Variants in SLC38A1 observed in about 807,000 individuals in gnomAD.
SLC38A1 encodes the protein solute carrier family 38 member 1, also known as sodium-coupled neutral amino acid symporter 1.
SLC38A1 carries 18 observed loss-of-function variants against 60.3 expected under a neutral mutation model. The ratio of observed to expected loss-of-function variants is 0.30; its 90% CI spans 0.21 to 0.44. The LOEUF is 0.44. Among genes scored for constraint, SLC38A1 ranks in the 20% least tolerant of loss-of-function variants. The pLI, the probability that SLC38A1 is intolerant of heterozygous loss-of-function variation, is 1.00. For synonymous variants in SLC38A1, 196 were observed against 212.1 expected (o/e 0.92, Z 0.66); for missense variants, 448 against 587.2 (o/e 0.76, Z 2.45).
At chr12:46,253,728 G>C (rs1941934847) in intron 1 of SLC38A1, among the ~76,000 whole-genome samples, 1 of 152,108 alleles carries the variant, frequency 6.6e-6, no homozygotes, top group South Asian at 2.1e-4. Flanking sequence ...ATTTAAAATG[G>C]AGTTGCTCTG....
chr12:46,194,001 G>A (rs772268609), intron 16 of SLC38A1, among the ~76,000 whole-genome samples: 10 of 152,100 alleles, frequency 6.6e-5, no homozygotes, highest in Admixed American at 2.0e-4. Context: ...TATTTTGCTC[G>A]TTAATTGATG....
chr12:46,241,117 G>A (rs944894669), intron 2 of SLC38A1, among the ~76,000 whole-genome samples: 1 of 152,042 alleles, frequency 6.6e-6, no homozygotes, highest in East Asian at 1.9e-4. Flanking sequence ...AAGTGATGGG[G>A]ACCATGGAAT....
intron 3 of SLC38A1, among the ~76,000 whole-genome samples, chr12:46,238,473 G>A (rs574434473): frequency 6.6e-6 from 1 of 152,262 alleles, no homozygotes; most frequent in South Asian, 2.1e-4. Context: ...TTGACATAAT[G>A]TTCTTATCCT....
At chr12:46,258,697 A>G (rs1942106910) in intron 1 of SLC38A1, among the ~76,000 whole-genome samples, 1 of 152,228 alleles carries the variant, frequency 6.6e-6, no homozygotes, top group African/African-American at 2.4e-5. Flanking sequence ...TCTGTCACCC[A>G]GGCTGGAGTG....
chr12:46,238,031 C>T (rs1329176064), intron 3 of SLC38A1, among the ~76,000 whole-genome samples: 1 of 151,616 alleles, frequency 6.6e-6, no homozygotes, highest in Non-Finnish European at 1.5e-5. Context: ...CTGTGTGTAC[C>T]CTTGGATAAG....
intron 5 of SLC38A1, among the ~76,000 whole-genome samples, chr12:46,227,970 A>G (rs1299795184): frequency 3.3e-5 from 5 of 152,252 alleles, no homozygotes; most frequent in Non-Finnish European, 5.9e-5. Flanking sequence ...TACTCAAAAA[A>G]ATCACCATAG....
intron 16 of SLC38A1, chr12:46,196,019 AC>A: frequency 4.7e-6 from 4 of 849,162 alleles, no homozygotes; most frequent in African/African-American, 3.4e-5. Flanking sequence ...TGCAGAAATC[AC>A]CCATCTTCTA....
chr12:46,247,411 G>T (rs1941660415), intron 1 of SLC38A1, among the ~76,000 whole-genome samples: 1 of 152,112 alleles, frequency 6.6e-6, no homozygotes, highest in Non-Finnish European at 1.5e-5. Context: ...CAGCCAATTC[G>T]ATCAAGTGGA....
At chr12:46,207,273 C>T (rs2289768) in intron 7 of SLC38A1, 37 bp from the exon 8 acceptor site, 682,090 of 1,549,386 alleles carry the variant, frequency 0.44, 153,305 homozygotes, top group African/African-American at 0.66. Flanking sequence ...AAAGAAGATA[C>T]GAAGGCTTAT....
intron 5 of SLC38A1, among the ~76,000 whole-genome samples, chr12:46,220,388 A>G (rs1940611428): frequency 6.6e-6 from 1 of 152,248 alleles, no homozygotes; most frequent in South Asian, 2.1e-4. Context: ...AACTGTGACT[A>G]TAACTCAAAG....
intron 16 of SLC38A1, chr12:46,196,212 G>C (rs1388253183): frequency 6.5e-7 from 1 of 1,535,954 alleles, no homozygotes; most frequent in African/African-American, 1.4e-5. Flanking sequence ...GAGCGCTGCA[G>C]GGAGAAGGAT....
intron 1 of SLC38A1, among the ~76,000 whole-genome samples, chr12:46,259,100 C>T (rs1942121328): frequency 1.3e-5 from 2 of 152,210 alleles, no homozygotes; most frequent in African/African-American, 4.8e-5. Flanking sequence ...ATTTTCTTGA[C>T]TCTAGTAACC....
intron 13 of SLC38A1, among the ~76,000 whole-genome samples, chr12:46,200,705 T>A (rs1939618209): frequency 6.6e-6 from 1 of 152,208 alleles, no homozygotes. Flanking sequence ...GTCATGAGTG[T>A]AGCACTCTGC....
intron 16 of SLC38A1, chr12:46,196,331 T>C: frequency 6.5e-7 from 1 of 1,530,242 alleles, no homozygotes; most frequent in Non-Finnish European, 8.7e-7. Flanking sequence ...TGGCATACCA[T>C]CCTGGGTCCA....
chr12:46,217,526 A>G (rs983574167), intron 5 of SLC38A1, among the ~76,000 whole-genome samples: 2 of 152,346 alleles, frequency 1.3e-5, no homozygotes, highest in African/African-American at 4.8e-5. Flanking sequence ...AAAAATATAA[A>G]GAACTTTTCA....
At chr12:46,207,701 T>A in intron 6 of SLC38A1, 80 bp from the exon 7 acceptor site, 1 of 1,356,784 alleles carries the variant, frequency 7.4e-7, no homozygotes, top group Non-Finnish European at 1.1e-6. Context: ...GTCATTCTAT[T>A]GACTGTTCCC....
chr12:46,256,636 C>CACACACAG (rs142176282), intron 1 of SLC38A1, among the ~76,000 whole-genome samples: 1,527 of 123,124 alleles, frequency 0.012, 19 homozygotes, highest in African/African-American at 0.035. Context: ...CACACACACA[C>CACACACAG]AGAGAGAGAG....
chr12:46,208,632 A>G (rs1325081036), intron 6 of SLC38A1, among the ~76,000 whole-genome samples: 2 of 152,172 alleles, frequency 1.3e-5, no homozygotes, highest in Non-Finnish European at 2.9e-5. Flanking sequence ...TCACTCCCAC[A>G]TTGCCTCAGG....
chr12:46,228,879 C>CA (rs1321965093), intron 5 of SLC38A1, among the ~76,000 whole-genome samples: 1 of 152,012 alleles, frequency 6.6e-6, no homozygotes, highest in African/African-American at 2.4e-5. Context: ...CCAAAAATAC[C>CA]AAAAAAAGTT....
Sources: gnomAD v4.1 joint callset for allele counts (sites outside exome capture counted in the v4.1 genomes callset) on GRCh38, gnomAD v4.1.1 for gene constraint, MANE v1.5 for transcripts, NCBI Gene and HGNC (gene_info 2026-07-23, HGNC 2026-07-21) for gene names.